The following AFG2A variants were observed in gnomAD, a reference collection of about 807,000 sequenced individuals.
AFG2A encodes the protein AAA ATPase AFG2A.
the AFG2A span, among the ~76,000 whole-genome samples, chr4:123,281,390 A>C: frequency 6.6e-6 from 1 of 152,170 alleles, no homozygotes; most frequent in East Asian, 1.9e-4. Context: ...GAAAAAAGTG[A>C]CATTTGGGGT....
At chr4:123,129,737 C>T in the AFG2A span, among the ~76,000 whole-genome samples, 1 of 152,290 alleles carries the variant, frequency 6.6e-6, no homozygotes, top group East Asian at 1.9e-4. Flanking sequence ...TTCTCTCATC[C>T]ACATCCATGG....
the AFG2A span, chr4:122,929,142 G>A: frequency 6.2e-7 from 1 of 1,613,124 alleles, no homozygotes; most frequent in African/African-American, 1.3e-5. Flanking sequence ...TGCCATCCAG[G>A]TCCAGCCTCT....
At chr4:123,044,365 G>C in the AFG2A span, among the ~76,000 whole-genome samples, 1 of 152,090 alleles carries the variant, frequency 6.6e-6, no homozygotes, top group Non-Finnish European at 1.5e-5. Flanking sequence ...TCAGCTGCTG[G>C]GGTCTTCATC....
At chr4:123,100,429 T>C in the AFG2A span, among the ~76,000 whole-genome samples, 1 of 152,060 alleles carries the variant, frequency 6.6e-6, no homozygotes, top group East Asian at 1.9e-4. Context: ...ACCAGTCTTT[T>C]GTTTTTCAGG....
the AFG2A span, among the ~76,000 whole-genome samples, chr4:122,971,722 C>A: frequency 6.6e-6 from 1 of 150,782 alleles, no homozygotes; most frequent in Non-Finnish European, 1.5e-5. Context: ...GTATCTATTC[C>A]TAGCTTTTAA....
chr4:123,076,233 A>G, the AFG2A span, among the ~76,000 whole-genome samples: 1 of 152,028 alleles, frequency 6.6e-6, no homozygotes, highest in Non-Finnish European at 1.5e-5. Flanking sequence ...GCACCACTGC[A>G]CTCCAGTCTG....
chr4:122,938,241 A>G, the AFG2A span: 1 of 1,598,028 alleles, frequency 6.3e-7, no homozygotes, highest in Non-Finnish European at 8.5e-7. Context: ...GATGGATGGC[A>G]TTGGTTCAGT....
At chr4:123,132,963 G>A in the AFG2A span, among the ~76,000 whole-genome samples, 11 of 152,046 alleles carry the variant, frequency 7.2e-5, 1 homozygote, top group East Asian at 2.1e-3. Flanking sequence ...TGTAGTTTTA[G>A]TAGAGACGGG....
the AFG2A span, among the ~76,000 whole-genome samples, chr4:123,075,680 G>A: frequency 2.0e-5 from 3 of 151,952 alleles, no homozygotes; most frequent in African/African-American, 4.8e-5. Context: ...TGAACTGGCC[G>A]GGCATGGTGG....
the AFG2A span, among the ~76,000 whole-genome samples, chr4:123,285,475 G>C: frequency 6.6e-6 from 1 of 151,988 alleles, no homozygotes; most frequent in Non-Finnish European, 1.5e-5. Context: ...AAATCACCCC[G>C]GTCCTGTCAG....
At chr4:123,201,101 A>G in the AFG2A span, among the ~76,000 whole-genome samples, 1 of 152,250 alleles carries the variant, frequency 6.6e-6, no homozygotes, top group Non-Finnish European at 1.5e-5. Flanking sequence ...ATCAGGAAAT[A>G]CTAGTGTAGC....
chr4:123,281,037 A>G, the AFG2A span, among the ~76,000 whole-genome samples: 8 of 151,824 alleles, frequency 5.3e-5, no homozygotes, highest in Admixed American at 5.3e-4. Context: ...TTATTTTAGT[A>G]TCTTGGTTAA....
chr4:122,987,010 G>C, the AFG2A span, among the ~76,000 whole-genome samples: 1 of 152,082 alleles, frequency 6.6e-6, no homozygotes, highest in African/African-American at 2.4e-5. Flanking sequence ...CCAGTGTTCA[G>C]TGCATATATA....
chr4:123,129,853 T>C, the AFG2A span, among the ~76,000 whole-genome samples: 1 of 152,018 alleles, frequency 6.6e-6, no homozygotes, highest in Non-Finnish European at 1.5e-5. Context: ...GTTCAACATG[T>C]TTTTAAATTT....
chr4:123,221,392 G>A, the AFG2A span, among the ~76,000 whole-genome samples: 5 of 152,018 alleles, frequency 3.3e-5, no homozygotes, highest in African/African-American at 1.2e-4. Flanking sequence ...CAAACTCGTA[G>A]GCTCAAGCAA....
the AFG2A span, among the ~76,000 whole-genome samples, chr4:123,008,086 A>G: frequency 1.7e-3 from 255 of 152,306 alleles, 1 homozygote; most frequent in Middle Eastern, 0.014. Context: ...GATAATTTAT[A>G]AAGAAAAGAG....
chr4:123,302,587 T>C, the AFG2A span, among the ~76,000 whole-genome samples: 1 of 152,220 alleles, frequency 6.6e-6, no homozygotes, highest in African/African-American at 2.4e-5. Context: ...GACCTTTTTT[T>C]TTTTGGAGTT....
chr4:122,930,944 T>C, the AFG2A span, among the ~76,000 whole-genome samples: 3,298 of 46,516 alleles, frequency 0.071, 60 homozygotes, highest in Non-Finnish European at 0.24. Context: ...AAAAATCTTA[T>C]GTTTTAAATG....
At chr4:123,124,619 C>G in the AFG2A span, among the ~76,000 whole-genome samples, 251 of 152,222 alleles carry the variant, frequency 1.6e-3, 1 homozygote, top group Middle Eastern at 0.014. Context: ...CACATGTACC[C>G]TGGAACTTAA....
Sources: gnomAD v4.1 joint callset for allele counts (sites outside exome capture counted in the v4.1 genomes callset) on GRCh38, gnomAD v4.1.1 for gene constraint, MANE v1.5 for transcripts, NCBI Gene and HGNC (gene_info 2026-07-23, HGNC 2026-07-21) for gene names.